Variants in CMTM6 observed in about 807,000 individuals in gnomAD.
The protein encoded by CMTM6 is CKLF-like MARVEL transmembrane domain-containing protein 6.
Under a neutral mutation model 13.6 loss-of-function variants are expected in CMTM6, and 5 were observed. The ratio of observed to expected loss-of-function variants is 0.37; its 90% CI spans 0.19 to 0.77. The LOEUF is 0.77. Among genes scored for constraint, CMTM6 ranks in the 30% least tolerant of loss-of-function variants. The pLI is 0.50. For missense variants in CMTM6, 196 were observed against 218.6 expected (o/e 0.90, Z 0.65); for synonymous variants, 99 against 84.5 (o/e 1.17, Z -0.94).
chr3:32,482,219 C>G lies in CMTM6; in HGVS notation c.*1741G>C, dbSNP rs987115012. Reference sequence around the variant, plus strand: ...AGTAGTGGTGACACCACCACTAACACTAGTATCCAAACTCTGATACAAATC... The same window carrying G: ...AGTAGTGGTGACACCACCACTAACAGTAGTATCCAAACTCTGATACAAATC... On this transcript the variant is annotated 3_prime_UTR_variant, in exon 4 of 4. Coordinates refer to ENST00000205636, the MANE Select transcript of CMTM6 (RefSeq NM_017801.3). 1 of 152,196 alleles carries G rather than the reference C, an allele frequency of 6.6e-6. No homozygotes were observed. Among genetic ancestry groups the G allele is most frequent in the Non-Finnish European group, 1.5e-5 (1 of 68,036 alleles). 9.4% of individuals were successfully genotyped at this position (152,196 alleles called of 1,614,324 possible).
At chr3:32,495,861 T>C (rs2125658653) in intron 1 of CMTM6, among the ~76,000 whole-genome samples, 1 of 152,320 alleles carries the variant, frequency 6.6e-6, no homozygotes, top group Middle Eastern at 3.4e-3. Flanking sequence ...AGGTTCTGCC[T>C]GGACATCTTA....
chr3:32,492,340 C>G (rs1697256736), intron 1 of CMTM6, among the ~76,000 whole-genome samples: 1 of 152,150 alleles, frequency 6.6e-6, no homozygotes, highest in South Asian at 2.1e-4. Flanking sequence ...ACACACACCC[C>G]GACCTCCAAC....
At position 32,483,083 on chromosome 3, in the gene CMTM6, A is replaced by G. The variant is rs1697170108; in HGVS notation, c.*877T>C. ...CAACAGGGGAATTGAACCACTTTCT[A>G]AATCATAGTATGAACTCATCTCTTC... is the stretch of plus-strand genomic sequence containing the variant. On this transcript the variant is annotated 3_prime_UTR_variant, in exon 4 of 4. Transcript: ENST00000205636. 1 of 152,682 alleles carries G rather than the reference A, an allele frequency of 6.5e-6. No homozygotes were observed. Among genetic ancestry groups the G allele is most frequent in the African/African-American group, 2.4e-5 (1 of 41,456 alleles). 9.5% of individuals were successfully genotyped at this position (152,682 alleles called of 1,614,324 possible). A position where few individuals can be genotyped will look rare whatever the true frequency, so the allele number is the denominator to read the frequency against.
intron 1 of CMTM6, among the ~76,000 whole-genome samples, chr3:32,497,662 A>G (rs1414213210): frequency 6.6e-6 from 1 of 151,896 alleles, no homozygotes; most frequent in Non-Finnish European, 1.5e-5. Flanking sequence ...ATTTGAGACC[A>G]GCCTGGCCAA....
chr3:32,484,150 C>G, intron 3 of CMTM6, 53 bp from the exon 4 acceptor site: 7 of 1,354,136 alleles, frequency 5.2e-6, no homozygotes, highest in Non-Finnish European at 6.9e-6. Flanking sequence ...TATAATCTTA[C>G]ATTTCCTACT....
chr3:32,496,722 A>G (rs1046384177), intron 1 of CMTM6, among the ~76,000 whole-genome samples: 2 of 152,232 alleles, frequency 1.3e-5, no homozygotes, highest in African/African-American at 4.8e-5. Context: ...CAAACCAGGC[A>G]GAGACACAAA....
chr3:32,500,278 T>A (rs1341210315), intron 1 of CMTM6, among the ~76,000 whole-genome samples: 1 of 152,220 alleles, frequency 6.6e-6, no homozygotes, highest in Non-Finnish European at 1.5e-5. Context: ...AAGGAAGAAT[T>A]TGAGTTAAGG....
Position 32,502,630 on chromosome 3 carries a change from C to CGCCGGAGCAATGGGA in CMTM6, c.101_115dup (p.Leu34_Arg38dup). 1 of 1,597,326 alleles carries CGCCGGAGCAATGGGA rather than the reference C, an allele frequency of 6.3e-7. No individual in the cohort carries two copies. Among genetic ancestry groups the CGCCGGAGCAATGGGA allele is most frequent in the Admixed American group, 1.7e-5 (1 of 58,038 alleles). ...CACCAGCTGCAAGCCCTTGAGAACGCGCCGGAGCAATGGGAGCCGGCCCAT... is the reference window on the plus strand; with the variant it reads ...CACCAGCTGCAAGCCCTTGAGAACGCGCCGGAGCAATGGGAGCCGGAGCAATGGGAGCCGGCCCAT... On this transcript the variant is annotated inframe_insertion, in exon 1 of 4. Transcript: ENST00000205636.
intron 3 of CMTM6, 105 bp downstream of exon 3, chr3:32,487,833 T>C: frequency 1.4e-6 from 1 of 691,056 alleles, no homozygotes; most frequent in Non-Finnish European, 2.4e-6. Flanking sequence ...AAGTAAGTTA[T>C]AAGAAAAACA....
intron 1 of CMTM6, among the ~76,000 whole-genome samples, chr3:32,496,198 CAAA>C (rs11426299): frequency 6.4e-5 from 5 of 78,040 alleles, no homozygotes; most frequent in Admixed American, 1.5e-4. Flanking sequence ...GAGACTATCT[CAAA>C]AAAAAAAAAA....
At chr3:32,493,372 T>C (rs1463273634) in intron 1 of CMTM6, among the ~76,000 whole-genome samples, 1 of 152,234 alleles carries the variant, frequency 6.6e-6, no homozygotes, top group Non-Finnish European at 1.5e-5. Context: ...CTGCTGTATA[T>C]GTGGTACTAA....
In CMTM6 at chr3:32,502,601, G is replaced by T; in HGVS notation, c.138+7C>A. The T allele has an allele frequency of 1.3e-6, 2 of 1,593,750 alleles. No homozygotes were observed. The stretch of plus-strand genomic sequence containing the variant: ...CCCGGGCTCGCCCTCCCTGACCGCG[G>T]ACTCACCAGCTGCAAGCCCTTGAGA... On this transcript the variant is annotated splice_region_variant and intron_variant, in intron 1 of 3. Transcript: ENST00000205636.
rs3773778 is a variant in CMTM6, at chr3:32,483,598, A to G, written c.*362T>C. The G allele has an allele frequency of 0.021, 3,343 of 159,412 alleles. 52 individuals are homozygous for G. The highest frequency in any genetic ancestry group is 0.04 in the East Asian group (226 of 5,590). The allele number at this position is 159,412 out of a possible 1,614,324, so 9.9% of individuals were successfully genotyped here. A position where few individuals can be genotyped will look rare whatever the true frequency, so the allele number is the denominator to read the frequency against. ...GTAGATGAATATAATCACGATGTTTATACAGCTATAAAGCATAATTTGGAA... is the reference window on the plus strand; with the variant it reads ...GTAGATGAATATAATCACGATGTTTGTACAGCTATAAAGCATAATTTGGAA... On this transcript the variant is annotated 3_prime_UTR_variant, in exon 4 of 4. Transcript: ENST00000205636.
intron 1 of CMTM6, among the ~76,000 whole-genome samples, chr3:32,500,087 C>CA (rs961131428): frequency 6.6e-6 from 1 of 152,156 alleles, no homozygotes; most frequent in Non-Finnish European, 1.5e-5. Context: ...ATAATATACT[C>CA]AAACATATAA....
intron 1 of CMTM6, among the ~76,000 whole-genome samples, chr3:32,501,124 A>C (rs1381150704): frequency 1.5e-5 from 2 of 137,332 alleles, no homozygotes; most frequent in Non-Finnish European, 3.1e-5. Flanking sequence ...CGGGAGGCGG[A>C]GGTTTCAGTG....
At chr3:32,499,439 T>C (rs1353414267) in intron 1 of CMTM6, among the ~76,000 whole-genome samples, 1 of 152,218 alleles carries the variant, frequency 6.6e-6, no homozygotes, top group African/African-American at 2.4e-5. Context: ...ACTGACAGCA[T>C]GGATACAATG....
chr3:32,502,428 G>A (rs1697353288), intron 1 of CMTM6, among the ~76,000 whole-genome samples, 180 bp downstream of exon 1: 1 of 152,226 alleles, frequency 6.6e-6, no homozygotes, highest in Admixed American at 6.5e-5. Context: ...CTGAGGGGCC[G>A]CCCGGCGGAA....
chr3:32,496,305 G>A (rs919167066), intron 1 of CMTM6, among the ~76,000 whole-genome samples: 1 of 151,522 alleles, frequency 6.6e-6, no homozygotes, highest in East Asian at 1.9e-4. Context: ...CTGTCGGCCA[G>A]ATGCGATGGC....
chr3:32,500,725 G>GTTT lies in CMTM6; in HGVS notation c.138+1882_138+1883insAAA, dbSNP rs1397238509. 2.3e-4 allele frequency among the ~76,000 whole-genome samples: 35 copies of GTTT among 152,090 alleles called. 1 individual carries two copies. Among genetic ancestry groups the GTTT allele is most frequent in the Admixed American group, 2.2e-3 (33 of 15,280 alleles). ...TATAACAGCAATAAGGAAGGAAACTGGTTATGTTCTATTCCAAAGATACGA... is the reference window on the plus strand; with the variant it reads ...TATAACAGCAATAAGGAAGGAAACTGTTTGTTATGTTCTATTCCAAAGATACGA... On this transcript the variant is annotated intron_variant, in intron 1 of 3. Transcript: ENST00000205636.
Sources: allele counts gnomAD v4.1 joint callset (sites outside exome capture counted in the v4.1 genomes callset), GRCh38; gene constraint gnomAD v4.1.1; transcripts MANE v1.5; gene names NCBI Gene and HGNC (gene_info 2026-07-23, HGNC 2026-07-21).